Variants in GALNT6 observed in about 807,000 individuals in gnomAD.
GALNT6 encodes the protein polypeptide N-acetylgalactosaminyltransferase 6.
In GALNT6, 51 loss-of-function variants were observed where a neutral mutation model predicts 65.9. That is an observed-to-expected ratio of 0.77 (90% CI 0.62 to 0.98). The LOEUF (loss-of-function observed/expected upper bound fraction) is 0.98, where lower values mean the gene tolerates loss of function less well. Ranked by LOEUF, GALNT6 falls within the 50% of genes least tolerant of loss-of-function variation. The pLI is 0.00. For synonymous variants in GALNT6, 323 were observed against 315.1 expected, an observed-to-expected ratio of 1.02 and a Z score of -0.26; for missense variants, 708 against 803.3, an observed-to-expected ratio of 0.88 and a Z score of 1.43.
chr12:51,379,558 G>T lies in GALNT6; in HGVS notation c.224C>A (p.Ala75Asp), dbSNP rs927548275. Residue 75 changes from alanine (A) to aspartate (D), a missense_variant, in exon 3 of 12, where the codon GCT becomes GAT. Ala to Asp is a moderately radical substitution (Grantham distance 126). Coordinates refer to ENST00000356317, the MANE Select transcript of GALNT6 (RefSeq NM_007210.4). ...GAACAGAGTCTGCTGGGCTTCTGGA[G>T]CCCTGATTTGGAGCTTGGGCATTGA... is the stretch of plus-strand genomic sequence containing the variant. ...RDSMPKLQIR[A>D]PEAQQTLFSI... The T allele has an allele frequency of 6.2e-7, 1 of 1,614,036 alleles. No homozygotes were observed. Among genetic ancestry groups the T allele is most frequent in the African/African-American group, 1.3e-5 (1 of 74,908 alleles).
rs1304557105 is a variant in GALNT6 at position 51,383,998 on chromosome 12, G to GTA, written c.-103-4116_-103-4115dup. On this transcript the variant is annotated intron_variant, in intron 2 of 11. Coordinates refer to ENST00000356317, the MANE Select transcript of GALNT6 (RefSeq NM_007210.4). Reference sequence around the variant, plus strand: ...TCACGAGATCCGCCCCTGGTGTCTTGTATATCTCCCTCACCTTTGGGCTCC... The same window carrying GTA: ...TCACGAGATCCGCCCCTGGTGTCTTGTATATATCTCCCTCACCTTTGGGCTCC... Among the ~76,000 whole-genome samples, 6 of 152,118 alleles carry GTA rather than the reference G, an allele frequency of 3.9e-5. No homozygotes were observed. In the East Asian group the frequency reaches 1.2e-3, roughly 29 times the overall value.
At chr12:51,374,479 T>C (rs1947389939) in intron 4 of GALNT6, among the ~76,000 whole-genome samples, 1 of 152,202 alleles carries the variant, frequency 6.6e-6, no homozygotes, top group South Asian at 2.1e-4. Flanking sequence ...CACTCAGCCC[T>C]TCCTTCCACA....
rs1946659717 is a variant in GALNT6 at position 51,353,343 on chromosome 12, T to G, written c.*1036A>C. On this transcript the variant is annotated 3_prime_UTR_variant, in exon 12 of 12. Coordinates refer to ENST00000356317, the MANE Select transcript of GALNT6 (RefSeq NM_007210.4). ...AGCAAGGGAGGATCTCTTAGACCTC[T>G]GATCTGTCTGTTAGAATATACTTTT... 1 of 151,120 alleles carries G rather than the reference T, an allele frequency of 6.6e-6. No homozygotes were observed. The highest frequency in any genetic ancestry group is 1.5e-5 in the Non-Finnish European group (1 of 68,058). 9.4% of individuals were successfully genotyped at this position (151,120 alleles called of 1,614,324 possible).
intron 4 of GALNT6, among the ~76,000 whole-genome samples, chr12:51,366,354 A>G (rs1249510191): frequency 6.6e-6 from 1 of 152,206 alleles, no homozygotes; most frequent in African/African-American, 2.4e-5. Flanking sequence ...CCTGTCTCCC[A>G]GGCTCTTCAC....
At chr12:51,380,534 A>G (rs532300904) in intron 2 of GALNT6, among the ~76,000 whole-genome samples, 1 of 152,368 alleles carries the variant, frequency 6.6e-6, no homozygotes, top group African/African-American at 2.4e-5. Flanking sequence ...CTAAAATTAA[A>G]CAATATCTTG....
intron 7 of GALNT6, 23 bp from the exon 8 acceptor site, chr12:51,359,355 G>A: frequency 6.4e-7 from 1 of 1,551,062 alleles, no homozygotes; most frequent in Non-Finnish European, 8.8e-7. Flanking sequence ...GAGACAGGAT[G>A]AGGCCTTCAG....
chr12:51,354,798 C>T (rs1436900844), intron 11 of GALNT6, among the ~76,000 whole-genome samples: 5 of 152,170 alleles, frequency 3.3e-5, no homozygotes, highest in African/African-American at 1.2e-4. Context: ...CTCAAAGACC[C>T]AGGGCCACTG....
chr12:51,357,904 G>T (rs1286329586), intron 9 of GALNT6, among the ~76,000 whole-genome samples: 1 of 152,204 alleles, frequency 6.6e-6, no homozygotes, highest in Non-Finnish European at 1.5e-5. Context: ...TGATTCTGAT[G>T]CATGCTAATG....
intron 4 of GALNT6, among the ~76,000 whole-genome samples, chr12:51,370,492 G>A (rs1002090742): frequency 3.3e-5 from 5 of 152,106 alleles, no homozygotes; most frequent in East Asian, 1.9e-4. Context: ...CCAAGATTGC[G>A]CCAATGGGCA....
intron 9 of GALNT6, 92 bp downstream of exon 9, chr12:51,358,038 C>A (rs534570015): frequency 6.3e-6 from 8 of 1,272,448 alleles, no homozygotes; most frequent in African/African-American, 5.9e-5. Flanking sequence ...AAACTCAATT[C>A]TTGTTTGTCA....
chr12:51,374,069 A>C (rs1947375041), intron 4 of GALNT6, among the ~76,000 whole-genome samples: 1 of 152,060 alleles, frequency 6.6e-6, no homozygotes. Flanking sequence ...GACATTGCCC[A>C]GGCTGGTCTT....
rs1947030051 is a variant in GALNT6, at chr12:51,364,461, C to T, written c.815-106G>A. ...GAGGATAAGAGACAGTCCACCTACT[C>T]CTGGGTTACAGGCAGCAAGCCCCAC... On this transcript the variant is annotated intron_variant, in intron 5 of 11. Transcript: ENST00000356317. 4.0e-6 allele frequency: 3 copies of T among 756,166 alleles called. No individual in the cohort carries two copies. The Admixed American group carries it at 7.6e-5, about 19-fold the overall frequency. The allele number at this position is 756,166 out of a possible 1,614,324, so 46.8% of individuals were successfully genotyped here. A position where few individuals can be genotyped will look rare whatever the true frequency, so the allele number is the denominator to read the frequency against.
In GALNT6 at chr12:51,365,313, C is replaced by A. The variant is rs189886727; in HGVS notation, c.814+117G>T. The stretch of plus-strand genomic sequence containing the variant: ...AGAGGCACCTGGAGTGGGTCCCAAG[C>A]CTCCTTCACTCCCGGAAGAGAGAAC... On this transcript the variant is annotated intron_variant, in intron 5 of 11. Transcript: ENST00000356317. 104 of 962,070 alleles carry A rather than the reference C, an allele frequency of 1.1e-4. No homozygotes were observed. The East Asian group carries it at 2.5e-3, about 23-fold the overall frequency. The allele number at this position is 962,070 out of a possible 1,614,324, so 59.6% of individuals were successfully genotyped here.
intron 8 of GALNT6, among the ~76,000 whole-genome samples, chr12:51,358,576 C>T (rs1257819262): frequency 1.3e-5 from 2 of 152,170 alleles, no homozygotes; most frequent in Non-Finnish European, 2.9e-5. Context: ...GCTGGGATTA[C>T]AGGCGTGAGC....
chr12:51,378,502 C>T (rs891396896), intron 3 of GALNT6, among the ~76,000 whole-genome samples: 16 of 152,110 alleles, frequency 1.1e-4, no homozygotes, highest in African/African-American at 3.6e-4. Context: ...TTCAAGTGGC[C>T]CCTTGTTCTA....
At chr12:51,389,786 G>C (rs990571895) in intron 2 of GALNT6, among the ~76,000 whole-genome samples, 4 of 152,162 alleles carry the variant, frequency 2.6e-5, no homozygotes, top group Admixed American at 2.0e-4. Flanking sequence ...TCTTCCAGCT[G>C]AACTTGGGCA....
intron 4 of GALNT6, 26 bp from the exon 5 acceptor site, chr12:51,365,605 C>T: frequency 6.2e-7 from 1 of 1,607,186 alleles, no homozygotes; most frequent in Non-Finnish European, 8.5e-7. Context: ...TCATTGTGGC[C>T]AGTCCACCAC....
chr12:51,379,956 C>A, intron 2 of GALNT6, 72 bp from the exon 3 acceptor site: 1 of 642,854 alleles, frequency 1.6e-6, no homozygotes, highest in South Asian at 2.1e-5. Context: ...GCTTGGGGTT[C>A]GAGGCCAGGC....
At chr12:51,362,849 GCA>G (rs1946966435) in intron 6 of GALNT6, among the ~76,000 whole-genome samples, 1 of 116,380 alleles carries the variant, frequency 8.6e-6, no homozygotes, top group Non-Finnish European at 1.8e-5. Context: ...GGGACTCTGA[GCA>G]GGTTTTTTTT....
Sources: allele counts gnomAD v4.1 joint callset (sites outside exome capture counted in the v4.1 genomes callset), GRCh38; gene constraint gnomAD v4.1.1; transcripts MANE v1.5; gene names NCBI Gene and HGNC (gene_info 2026-07-23, HGNC 2026-07-21).